Variants in USH2A observed in about 807,000 individuals in gnomAD.
USH2A encodes Usher syndrome 2A (autosomal recessive, mild).
Under a neutral mutation model 538.9 loss-of-function variants are expected in USH2A, and 443 were observed. The observed-to-expected ratio is 0.82, with a 90% CI of 0.76 to 0.89. The LOEUF (loss-of-function observed/expected upper bound fraction) is 0.89, where lower values mean the gene tolerates loss of function less well. USH2A is among the 40% of genes least tolerant of loss of function. The pLI is 0.00. For missense variants in USH2A, 6,633 were observed against 6,324.8 expected (o/e 1.05, Z -1.65); for synonymous variants, 2,413 against 2,273.5 (o/e 1.06, Z -1.75).
chr1:215,792,631 G>A (rs1662012196), intron 50 of USH2A, among the ~76,000 whole-genome samples: 1 of 152,128 alleles, frequency 6.6e-6, no homozygotes, highest in Non-Finnish European at 1.5e-5. Flanking sequence ...ACTCACTTAG[G>A]GAGAGCAGAT....
chr1:216,011,296 C>T (rs1463603278), intron 32 of USH2A, among the ~76,000 whole-genome samples: 4 of 152,146 alleles, frequency 2.6e-5, no homozygotes, highest in African/African-American at 9.7e-5. Context: ...CCCAGCCTCT[C>T]TTTGCTTTCA....
intron 46 of USH2A, among the ~76,000 whole-genome samples, chr1:215,843,151 T>C (rs1306925711): frequency 6.6e-6 from 1 of 152,250 alleles, no homozygotes; most frequent in South Asian, 2.1e-4. Flanking sequence ...GAAAAGGAGA[T>C]GGAAACCTGA....
chr1:215,791,513 C>G (rs1224359476), intron 50 of USH2A, among the ~76,000 whole-genome samples: 3 of 152,100 alleles, frequency 2.0e-5, no homozygotes, highest in South Asian at 2.1e-4. Context: ...TCCAAAGAAC[C>G]CTCTCATTCA....
At chr1:215,702,251 AT>A (rs552489036) in intron 61 of USH2A, among the ~76,000 whole-genome samples, 113 of 151,750 alleles carry the variant, frequency 7.4e-4, no homozygotes, top group African/African-American at 2.7e-3. Context: ...TGCCCTTAAC[AT>A]TTTTTTCATC....
intron 64 of USH2A, among the ~76,000 whole-genome samples, chr1:215,653,223 T>C (rs1657136189): frequency 6.6e-6 from 1 of 152,194 alleles, no homozygotes; most frequent in South Asian, 2.1e-4. Context: ...AGTTCCAAAA[T>C]GTGATTTAAT....
In USH2A at chr1:216,147,241, C is replaced by G. The variant is rs532662992; in HGVS notation, c.4627+28011G>C. Among the ~76,000 whole-genome samples, 171 of 151,984 alleles carry G rather than the reference C, an allele frequency of 1.1e-3. 1 individual carries two copies. Among genetic ancestry groups the G allele is most frequent in the Non-Finnish European group, 2.2e-3 (150 of 68,008 alleles). ...CTCCCCAGGTTGTTCCTCGCCAGGC[C>G]GAGCTAGGTCCCAATTCTTCCTCAG... On this transcript the variant is annotated intron_variant, in intron 21 of 71. Transcript: ENST00000307340.
At chr1:215,999,657 C>G (rs934282566) in intron 33 of USH2A, among the ~76,000 whole-genome samples, 1 of 152,120 alleles carries the variant, frequency 6.6e-6, no homozygotes, top group African/African-American at 2.4e-5. Context: ...ATAGAACAGA[C>G]AGGAAATTGT....
intron 58 of USH2A, among the ~76,000 whole-genome samples, chr1:215,745,580 G>A (rs909261760): frequency 6.6e-6 from 1 of 152,170 alleles, no homozygotes; most frequent in Non-Finnish European, 1.5e-5. Flanking sequence ...AATGTTAGCT[G>A]ATTGAATGAA....
At chr1:216,118,869 T>C (rs1220445644) in intron 21 of USH2A, among the ~76,000 whole-genome samples, 1 of 152,174 alleles carries the variant, frequency 6.6e-6, no homozygotes, top group Non-Finnish European at 1.5e-5. Context: ...CAAGTTTCTC[T>C]CCATGTACAG....
chr1:216,140,958 A>C (rs534700390), intron 21 of USH2A, among the ~76,000 whole-genome samples: 55 of 152,356 alleles, frequency 3.6e-4, no homozygotes, highest in Non-Finnish European at 6.0e-4. Flanking sequence ...ATCAGTAACA[A>C]CATATGTCTT....
intron 44 of USH2A, among the ~76,000 whole-genome samples, chr1:215,848,410 T>C (rs904027510): frequency 3.3e-5 from 5 of 152,244 alleles, no homozygotes; most frequent in Admixed American, 2.6e-4. Context: ...GTGCCTGTTA[T>C]CTGCACTATC....
chr1:216,043,934 T>C (rs913156874), intron 32 of USH2A, among the ~76,000 whole-genome samples: 1 of 152,070 alleles, frequency 6.6e-6, no homozygotes, highest in African/African-American at 2.4e-5. Flanking sequence ...TCTATTGCCT[T>C]ATTCCTACCC....
intron 14 of USH2A, among the ~76,000 whole-genome samples, chr1:216,227,654 T>G (rs2035588052): frequency 1.3e-5 from 2 of 152,248 alleles, no homozygotes; most frequent in Admixed American, 1.3e-4. Context: ...AAATTAAAAA[T>G]GTGTGACAAT....
chr1:215,999,128 A>G, intron 33 of USH2A, 70 bp from the exon 34 acceptor site: 2 of 1,280,152 alleles, frequency 1.6e-6, no homozygotes, highest in Non-Finnish European at 2.2e-6. Flanking sequence ...TTTTCAAAGG[A>G]CACATTTGAA....
rs776983250 is a variant in USH2A, at chr1:215,728,214, A to C, written c.11882T>G (p.Leu3961Arg). Residue 3961 changes from leucine (L) to arginine (R), a missense_variant, in exon 61 of 72, where the codon CTG becomes CGG. Leu to Arg is a moderately radical substitution (Grantham distance 102, BLOSUM62 -2). Transcript: ENST00000307340. The part of the protein sequence containing the change: ...VESLWSLTQT[L>R]EAPPQDFPAP... ...TGGAAAATCTTGAGGTGGAGCTTCC[A>C]GAGTTTGTGTTAATGACCACAGACT... is the stretch of plus-strand genomic sequence containing the variant. 1 of 1,614,154 alleles carries C rather than the reference A, an allele frequency of 6.2e-7. No homozygotes were observed. The highest frequency in any genetic ancestry group is 1.7e-5 in the Admixed American group (1 of 60,014).
At chr1:215,854,190 G>A (rs111259654) in intron 44 of USH2A, among the ~76,000 whole-genome samples, 12 of 152,224 alleles carry the variant, frequency 7.9e-5, no homozygotes, top group African/African-American at 2.4e-4. Context: ...CTTACATGGC[G>A]GTAGACAAGA....
At chr1:216,080,189 C>T (rs1186975313) in intron 26 of USH2A, 1 of 152,018 alleles carries the variant, frequency 6.6e-6, no homozygotes, top group Non-Finnish European at 1.5e-5. Flanking sequence ...TAAGATTATT[C>T]AGTGAGTGTA....
At chr1:216,205,229 T>C (rs1169252530) in intron 16 of USH2A, among the ~76,000 whole-genome samples, 1 of 152,210 alleles carries the variant, frequency 6.6e-6, no homozygotes, top group Non-Finnish European at 1.5e-5. Flanking sequence ...TTCAAAATCA[T>C]TTTCAATATT....
intron 58 of USH2A, among the ~76,000 whole-genome samples, chr1:215,754,723 G>T (rs563295388): frequency 6.6e-6 from 1 of 152,282 alleles, no homozygotes; most frequent in African/African-American, 2.4e-5. Context: ...TTTATGTTGG[G>T]TGGCATTCAA....
Sources: gnomAD v4.1 joint callset for allele counts (sites outside exome capture counted in the v4.1 genomes callset) on GRCh38, gnomAD v4.1.1 for gene constraint, MANE v1.5 for transcripts, NCBI Gene and HGNC (gene_info 2026-07-23, HGNC 2026-07-21) for gene names.